Variants in CPLANE1 observed in about 807,000 individuals in gnomAD.
CPLANE1 encodes the protein ciliogenesis and planar polarity effector 1.
CPLANE1 carries 263 observed loss-of-function variants against 362.5 expected under a neutral mutation model. The ratio of observed to expected loss-of-function variants is 0.73; its 90% CI spans 0.66 to 0.80. The LOEUF (loss-of-function observed/expected upper bound fraction) is 0.80. CPLANE1 is among the 30% of genes least tolerant of loss of function. CPLANE1 has a pLI of 0.00. For synonymous variants in CPLANE1, 1,212 were observed against 1,302.6 expected, an observed-to-expected ratio of 0.93 and a Z score of 1.50; for missense variants, 3,461 against 3,793.4, an observed-to-expected ratio of 0.91 and a Z score of 2.30.
intron 43 of CPLANE1, among the ~76,000 whole-genome samples, chr5:37,147,124 A>G (rs1165818692): frequency 6.6e-6 from 1 of 152,232 alleles, no homozygotes; most frequent in Non-Finnish European, 1.5e-5. Context: ...AAAATACAAA[A>G]AATCTGGACA....
chr5:37,162,592 T>G, intron 37 of CPLANE1, 26 bp from the exon 38 acceptor site: 1 of 1,514,074 alleles, frequency 6.6e-7, no homozygotes, highest in Non-Finnish European at 9.2e-7. Flanking sequence ...ACATTGGAAG[T>G]AATCATTGAG....
chr5:37,157,931 C>CT, intron 39 of CPLANE1, 63 bp from the exon 40 acceptor site: 1 of 137,402 alleles, frequency 7.3e-6, no homozygotes, highest in Non-Finnish European at 1.2e-5. Flanking sequence ...GGTCACTCCG[C>CT]CAAAAAAAAA....
chr5:37,210,560 T>G, intron 16 of CPLANE1: 1 of 1,519,844 alleles, frequency 6.6e-7, no homozygotes, highest in Non-Finnish European at 9.1e-7. Context: ...TCAATCAATC[T>G]ATAAATCGCA....
chr5:37,150,069 A>T (rs1286057448), intron 42 of CPLANE1, among the ~76,000 whole-genome samples: 1 of 152,152 alleles, frequency 6.6e-6, no homozygotes, highest in Non-Finnish European at 1.5e-5. Flanking sequence ...TCAAAATGCC[A>T]AGTCACCTCC....
chr5:37,176,300 G>C (rs1781139640), intron 30 of CPLANE1, among the ~76,000 whole-genome samples: 2 of 152,064 alleles, frequency 1.3e-5, no homozygotes, highest in South Asian at 4.1e-4. Flanking sequence ...ATAGAAGAGG[G>C]AGACACTATG....
At chr5:37,163,178 T>G (rs775514722) in intron 37 of CPLANE1, among the ~76,000 whole-genome samples, 3 of 152,102 alleles carry the variant, frequency 2.0e-5, no homozygotes, top group Non-Finnish European at 4.4e-5. Context: ...ACCTAGCCAG[T>G]GTGTGGAAAA....
At chr5:37,195,300 G>A (rs975037506) in intron 21 of CPLANE1, among the ~76,000 whole-genome samples, 4 of 152,122 alleles carry the variant, frequency 2.6e-5, no homozygotes, top group East Asian at 1.9e-4. Context: ...CATAGACCAC[G>A]AATTAAGAAA....
chr5:37,133,853 GTTC>G (rs1161961585), intron 46 of CPLANE1, among the ~76,000 whole-genome samples: 1 of 152,124 alleles, frequency 6.6e-6, no homozygotes, highest in African/African-American at 2.4e-5. Flanking sequence ...TTTTGTACCA[GTTC>G]TTAAGGTGAA....
intron 46 of CPLANE1, among the ~76,000 whole-genome samples, chr5:37,131,778 C>T (rs1262911975): frequency 6.6e-6 from 1 of 152,132 alleles, no homozygotes; most frequent in Non-Finnish European, 1.5e-5. Flanking sequence ...GATCCGCCCA[C>T]CTCAGCCTCC....
chr5:37,152,273 C>T (rs534118799), intron 42 of CPLANE1, among the ~76,000 whole-genome samples: 4 of 152,086 alleles, frequency 2.6e-5, no homozygotes, highest in East Asian at 1.9e-4. Flanking sequence ...AACTCGTGAG[C>T]GCAAGTGATC....
At chr5:37,168,181 G>T (rs1378758023) in intron 34 of CPLANE1, among the ~76,000 whole-genome samples, 1 of 151,796 alleles carries the variant, frequency 6.6e-6, no homozygotes, top group Non-Finnish European at 1.5e-5. Flanking sequence ...GACTTGGTGG[G>T]TTTATAAAAC....
At position 37,187,060 on chromosome 5, in the gene CPLANE1, C is replaced by CAAAAAAAAAAA. The variant is rs61112118; in HGVS notation, c.4080+343_4080+353dup. On this transcript the variant is annotated intron_variant, in intron 23 of 52. Transcript: ENST00000651892. ...TGGGTGACAGAGCGAGACTCCGTCT[C>CAAAAAAAAAAA]AAAAAAAAAAAAAAAAAAAAAAAAA... is the stretch of plus-strand genomic sequence containing the variant. 5.4e-3 allele frequency among the ~76,000 whole-genome samples: 272 copies of CAAAAAAAAAAA among 50,400 alleles called. 17 individuals are homozygous for CAAAAAAAAAAA. Among genetic ancestry groups the CAAAAAAAAAAA allele is most frequent in the Middle Eastern group, 0.025 (2 of 80 alleles). The allele number at this position is 50,400 out of a possible 152,430, so 33.1% of individuals were successfully genotyped here.
intron 52 of CPLANE1, 68 bp from the exon 53 acceptor site, chr5:37,107,846 A>G: frequency 6.8e-7 from 1 of 1,461,298 alleles, no homozygotes; most frequent in Non-Finnish European, 9.1e-7. Context: ...AAACAAAAAA[A>G]CCTGGAACGT....
At chr5:37,208,675 T>TCC (rs34843144) in intron 16 of CPLANE1, among the ~76,000 whole-genome samples, 15 of 62,358 alleles carry the variant, frequency 2.4e-4, no homozygotes, top group South Asian at 5.5e-4. Context: ...AGACTCTGTC[T>TCC]CCCCCCCCCC....
In CPLANE1 at chr5:37,224,746, C is replaced by T; in HGVS notation, c.2292-6G>A. 1 of 1,537,726 alleles carries T rather than the reference C, an allele frequency of 6.5e-7. No individual in the cohort carries two copies. Among genetic ancestry groups the T allele is most frequent in the Non-Finnish European group, 8.8e-7 (1 of 1,136,228 alleles). On this transcript the variant is annotated splice_region_variant and splice_polypyrimidine_tract_variant and intron_variant, in intron 12 of 52. Transcript: ENST00000651892. Reference sequence around the variant, plus strand: ...TTCTCCAGAGAATAAGCAATCTGCACATAAAATCAGGTAATTATCAAAAGC... The same window carrying T: ...TTCTCCAGAGAATAAGCAATCTGCATATAAAATCAGGTAATTATCAAAAGC...
chr5:37,201,854 ACTTCTT>A, intron 18 of CPLANE1, 46 bp from the exon 19 acceptor site: 3 of 1,349,208 alleles, frequency 2.2e-6, no homozygotes, highest in Non-Finnish European at 3.1e-6. Flanking sequence ...CTTGTATTAA[ACTTCTT>A]ATCCATTTTG....
rs539275427 is a variant in CPLANE1 at position 37,130,965 on chromosome 5, C to T, written c.8793-5556G>A. On this transcript the variant is annotated intron_variant, in intron 46 of 52. Transcript: ENST00000651892. ...TCTGTTCACTGAAACAGTTATATAT[C>T]CTTGCTTGCATCTTTCACGTTATAG... 8.5e-5 allele frequency among the ~76,000 whole-genome samples: 13 copies of T among 152,264 alleles called. No homozygotes were observed. The South Asian group carries it at 2.3e-3, about 27-fold the overall frequency.
downstream of CPLANE1, among the ~76,000 whole-genome samples, chr5:37,102,531 T>C (rs1757344563): frequency 6.6e-6 from 1 of 152,198 alleles, no homozygotes; most frequent in Non-Finnish European, 1.5e-5. Context: ...GAGACCTTTT[T>C]GTTGTGGGGA....
At chr5:37,103,710 C>A (rs1295880087), downstream of CPLANE1, among the ~76,000 whole-genome samples, 1 of 152,162 alleles carries the variant, frequency 6.6e-6, no homozygotes, top group East Asian at 1.9e-4. Flanking sequence ...TCTCATTTGG[C>A]TTGTTGGGTT....
Sources: allele counts gnomAD v4.1 joint callset (sites outside exome capture counted in the v4.1 genomes callset), GRCh38; gene constraint gnomAD v4.1.1; transcripts MANE v1.5; gene names NCBI Gene and HGNC (gene_info 2026-07-23, HGNC 2026-07-21).